Variants in TRIO observed in about 807,000 individuals in gnomAD.
TRIO encodes trio Rho guanine nucleotide exchange factor.
Under a neutral mutation model 351.9 loss-of-function variants are expected in TRIO, and 58 were observed. The ratio of observed to expected loss-of-function variants is 0.16; its 90% CI spans 0.13 to 0.21. The LOEUF (loss-of-function observed/expected upper bound fraction) is 0.21. Among genes scored for constraint, TRIO ranks in the 10% least tolerant of loss-of-function variants. TRIO has a pLI of 1.00. For synonymous variants in TRIO, 1,758 were observed against 1,595.7 expected (o/e 1.10, Z -2.42); for missense variants, 3,201 against 4,027.8 (o/e 0.79, Z 5.56).
At chr5:14,149,618 T>A (rs1787709520) in intron 1 of TRIO, among the ~76,000 whole-genome samples, 1 of 152,118 alleles carries the variant, frequency 6.6e-6, no homozygotes, top group Non-Finnish European at 1.5e-5. Flanking sequence ...CCCTGTGCCA[T>A]TTGATGGCAG....
chr5:14,315,247 T>C (rs116363717), intron 8 of TRIO, among the ~76,000 whole-genome samples: 4 of 149,880 alleles, frequency 2.7e-5, no homozygotes, highest in Non-Finnish European at 4.4e-5. Flanking sequence ...CTGAACTTGC[T>C]CCTCTTTTTT....
intron 1 of TRIO, among the ~76,000 whole-genome samples, chr5:14,255,042 T>A (rs1194487337): frequency 1.3e-5 from 2 of 152,154 alleles, no homozygotes; most frequent in Non-Finnish European, 2.9e-5. Flanking sequence ...TCAGAGAGTT[T>A]AGAATCCAAA....
At chr5:14,296,150 G>A (rs1374257653) in intron 6 of TRIO, among the ~76,000 whole-genome samples, 4 of 152,086 alleles carry the variant, frequency 2.6e-5, no homozygotes. Context: ...AAAAACGTAG[G>A]GAAGTTTGGA....
intron 27 of TRIO, among the ~76,000 whole-genome samples, chr5:14,393,043 T>C (rs1219949123): frequency 7.0e-6 from 1 of 142,036 alleles, no homozygotes; most frequent in Non-Finnish European, 1.5e-5. Flanking sequence ...CGAGACTCCA[T>C]CTCAAAAAGA....
intron 1 of TRIO, among the ~76,000 whole-genome samples, chr5:14,206,913 G>A (rs1294488188): frequency 6.6e-6 from 1 of 152,066 alleles, no homozygotes; most frequent in Non-Finnish European, 1.5e-5. Context: ...TTTAAAAGGC[G>A]TCATTTTGCA....
intron 33 of TRIO, among the ~76,000 whole-genome samples, chr5:14,407,563 G>T (rs1748838556): frequency 1.3e-5 from 2 of 152,104 alleles, no homozygotes; most frequent in Non-Finnish European, 2.9e-5. Context: ...TGGAAATGGG[G>T]GCTGTGGCCC....
Position 14,143,719 on chromosome 5 carries a change from C to A in TRIO, c.-7C>A. 2.0e-6 allele frequency: 2 copies of A among 977,122 alleles called. No individual in the cohort carries two copies. The highest frequency in any genetic ancestry group is 2.4e-6 in the Non-Finnish European group (2 of 826,222). 60.5% of individuals were successfully genotyped at this position (977,122 alleles called of 1,614,324 possible). Reference sequence around the variant, plus strand: ...AGGCGGGCGCGGCCGCGGGCGCCGCCGCAGCCATGAGCGGCAGCAGCGGCG... The same window carrying A: ...AGGCGGGCGCGGCCGCGGGCGCCGCAGCAGCCATGAGCGGCAGCAGCGGCG... On this transcript the variant is annotated 5_prime_UTR_variant, in exon 1 of 57. Transcript: ENST00000344204.
At chr5:14,207,323 C>T (rs1418062161) in intron 1 of TRIO, among the ~76,000 whole-genome samples, 513 of 12,178 alleles carry the variant, frequency 0.042, 164 homozygotes, top group East Asian at 0.18. Flanking sequence ...GTCTCTCACA[C>T]ACACACACAC....
chr5:14,315,573 G>A (rs1400762696), intron 8 of TRIO, among the ~76,000 whole-genome samples: 4 of 151,884 alleles, frequency 2.6e-5, no homozygotes, highest in African/African-American at 9.7e-5. Flanking sequence ...ACTCAAAGAG[G>A]TTTTTAGATT....
At chr5:14,253,912 C>G (rs1193179295) in intron 1 of TRIO, among the ~76,000 whole-genome samples, 1 of 151,830 alleles carries the variant, frequency 6.6e-6, no homozygotes, top group African/African-American at 2.4e-5. Flanking sequence ...AAGATGAGTT[C>G]TCTTAAACCA....
At chr5:14,504,678 G>T in intron 55 of TRIO, 85 bp downstream of exon 55, 1 of 1,495,184 alleles carries the variant, frequency 6.7e-7, no homozygotes, top group African/African-American at 1.4e-5. Context: ...TCTCTAAGAA[G>T]GATAGAAATT....
chr5:14,216,461 CCTT>C, intron 1 of TRIO, among the ~76,000 whole-genome samples: 1 of 152,328 alleles, frequency 6.6e-6, no homozygotes, highest in East Asian at 1.9e-4. Flanking sequence ...ATTTGCTTCA[CCTT>C]CTTGGATTGT....
At position 14,498,504 on chromosome 5, in the gene TRIO, C is replaced by T; in HGVS notation, c.8211-15C>T. On this transcript the variant is annotated splice_polypyrimidine_tract_variant and intron_variant, in intron 52 of 56. Coordinates refer to ENST00000344204, the MANE Select transcript of TRIO (RefSeq NM_007118.4). ...AGCTTTTCTGATGCGCAGTGTGTTC[C>T]CATCTGTGCCGCAGTGACCTGGGAG... 6.2e-7 allele frequency: 1 copy of T among 1,612,276 alleles called. No individual in the cohort carries two copies. Among genetic ancestry groups the T allele is most frequent in the Non-Finnish European group, 8.5e-7 (1 of 1,178,548 alleles).
chr5:14,264,111 TA>T (rs1795510089), intron 1 of TRIO, among the ~76,000 whole-genome samples: 1 of 152,224 alleles, frequency 6.6e-6, no homozygotes, highest in South Asian at 2.1e-4. Context: ...AATACATAAT[TA>T]AAACATCAAA....
chr5:14,404,694 T>G (rs745669884), intron 31 of TRIO, among the ~76,000 whole-genome samples: 1 of 152,044 alleles, frequency 6.6e-6, no homozygotes, highest in Non-Finnish European at 1.5e-5. Flanking sequence ...CCAGAAGACA[T>G]TGGTTTTCCT....
rs767278319 is a variant in TRIO, at chr5:14,358,356, C to T, written c.2216+9C>T. ...CTCATCCAGCAGCTCAGGTGGGCCT[C>T]ACCCCTCTCCTGGTCCGAACAGATT... On this transcript the variant is annotated intron_variant, in intron 12 of 56. Transcript: ENST00000344204. 15 of 1,613,528 alleles carry T rather than the reference C, an allele frequency of 9.3e-6. No individual in the cohort carries two copies. Among genetic ancestry groups the T allele is most frequent in the Non-Finnish European group, 1.3e-5 (15 of 1,179,644 alleles).
At chr5:14,502,479 G>GAT in intron 53 of TRIO, 100 bp from the exon 54 acceptor site, 2 of 1,164,106 alleles carry the variant, frequency 1.7e-6, no homozygotes, top group East Asian at 4.8e-5. Context: ...GTGCCCGGTG[G>GAT]CCACGCGCAG....
At chr5:14,187,779 C>T (rs1342112215) in intron 1 of TRIO, among the ~76,000 whole-genome samples, 1 of 151,120 alleles carries the variant, frequency 6.6e-6, no homozygotes, top group Non-Finnish European at 1.5e-5. Context: ...TGTGGAGTTT[C>T]CTCATTATTA....
At chr5:14,488,421 C>T (rs1756211414) in intron 48 of TRIO, 161 bp downstream of exon 48, 1 of 1,055,036 alleles carries the variant, frequency 9.5e-7, no homozygotes, top group Non-Finnish European at 1.3e-6. Context: ...CGGGCCGGCC[C>T]ACGGCGCTAC....
Sources: gnomAD v4.1 joint callset for allele counts (sites outside exome capture counted in the v4.1 genomes callset) on GRCh38, gnomAD v4.1.1 for gene constraint, MANE v1.5 for transcripts, NCBI Gene and HGNC (gene_info 2026-07-23, HGNC 2026-07-21) for gene names.